WASL: variants seen among roughly 807,000 people sequenced by gnomAD.
The protein encoded by WASL is WASP like actin nucleation promoting factor, also known as actin nucleation-promoting factor WASL.
In WASL, 20 loss-of-function variants were observed where a neutral mutation model predicts 55.5. That is an observed-to-expected ratio of 0.36 (90% CI 0.25 to 0.52). The LOEUF is 0.52. Among genes scored for constraint, WASL ranks in the 20% least tolerant of loss-of-function variants. The pLI, the probability that WASL is intolerant of heterozygous loss-of-function variation, is 0.92. For synonymous variants in WASL, 249 were observed against 217.6 expected, an observed-to-expected ratio of 1.14 and a Z score of -1.27; for missense variants, 504 against 622.5, an observed-to-expected ratio of 0.81 and a Z score of 2.03.
chr7:123,683,008 T>G lies in WASL; in HGVS notation c.*1511A>C, dbSNP rs1803223092. The G allele has an allele frequency of 6.6e-6, 1 of 152,106 alleles. No individual in the cohort carries two copies. Among genetic ancestry groups the G allele is most frequent in the Non-Finnish European group, 1.5e-5 (1 of 67,992 alleles). 9.4% of individuals were successfully genotyped at this position (152,106 alleles called of 1,614,324 possible). ...AACTAGATGCATGATCACTAGAGAT[T>G]ATGTAATAAATGGTTAAAATTCAAG... On this transcript the variant is annotated 3_prime_UTR_variant, in exon 11 of 11. Coordinates refer to ENST00000223023, the MANE Select transcript of WASL (RefSeq NM_003941.4).
chr7:123,688,521 G>A (rs565286502), intron 10 of WASL, among the ~76,000 whole-genome samples: 14 of 151,996 alleles, frequency 9.2e-5, no homozygotes, highest in South Asian at 2.1e-4. Context: ...CCACCACGCC[G>A]GCTAACTTTT....
chr7:123,728,979 A>G (rs1430255151), intron 1 of WASL, among the ~76,000 whole-genome samples: 2 of 152,188 alleles, frequency 1.3e-5, no homozygotes, highest in Admixed American at 1.3e-4. Context: ...TAATTCATGT[A>G]AGACAAAACC....
At chr7:123,740,237 T>C (rs1405057452) in intron 1 of WASL, among the ~76,000 whole-genome samples, 1 of 151,950 alleles carries the variant, frequency 6.6e-6, no homozygotes, top group East Asian at 1.9e-4. Context: ...ATATCTTTCA[T>C]TTGATCACAT....
At chr7:123,720,578 T>C (rs1486108790) in intron 1 of WASL, among the ~76,000 whole-genome samples, 4 of 152,064 alleles carry the variant, frequency 2.6e-5, no homozygotes, top group Non-Finnish European at 4.4e-5. Context: ...AGGTATTTTG[T>C]TGGAGAAGAA....
intron 1 of WASL, among the ~76,000 whole-genome samples, chr7:123,727,391 A>G (rs1474073300): frequency 6.6e-6 from 1 of 151,866 alleles, no homozygotes; most frequent in Admixed American, 6.6e-5. Flanking sequence ...ACAAACTTAT[A>G]CAAGAACACA....
Position 123,692,400 on chromosome 7 carries a change from A to G in WASL, c.1294T>C (p.Ser432Pro). Residue 432 changes from serine (S) to proline (P), a missense_variant, in exon 9 of 11, where the codon TCT (serine) becomes CCT (proline). Physicochemically the swap from Ser to Pro is moderately conservative, Grantham distance 74. Around this residue, in one of 5 missense-constraint regions of WASL, gnomAD observed 201 missense variants for 206.2 expected, o/e 0.97. Transcript: ENST00000223023. ...VEQNSRPVSCSGRDALLDQIR... is the reference protein window; with the variant it reads ...VEQNSRPVSCPGRDALLDQIR... ...TGGTCTAACAGTGCATCTCGTCCAG[A>G]GCAGGACACTGGCCGACTGTTCTGC... is the stretch of plus-strand genomic sequence containing the variant. The G allele has an allele frequency of 6.2e-7, 1 of 1,613,484 alleles. No individual in the cohort carries two copies. The highest frequency in any genetic ancestry group is 8.5e-7 in the Non-Finnish European group (1 of 1,179,976).
At chr7:123,705,432 T>G (rs1803654028) in intron 4 of WASL, among the ~76,000 whole-genome samples, 1 of 152,202 alleles carries the variant, frequency 6.6e-6, no homozygotes, top group South Asian at 2.1e-4. Context: ...ATTCTGCCAC[T>G]TGAGTAGACA....
At position 123,712,451 on chromosome 7, in the gene WASL, T is replaced by C. The variant is rs189974926; in HGVS notation, c.118-3228A>G. Among the ~76,000 whole-genome samples the C allele has an allele frequency of 1.2e-3, 182 of 152,242 alleles. 1 individual carries two copies. The highest frequency in any genetic ancestry group is 2.2e-3 in the Non-Finnish European group (151 of 68,020). ...TTAGGATATATAGCCTGAAATATTATAAAGAGGCATTATGTCTGCAACTTA... is the reference window on the plus strand; with the variant it reads ...TTAGGATATATAGCCTGAAATATTACAAAGAGGCATTATGTCTGCAACTTA... On this transcript the variant is annotated intron_variant, in intron 1 of 10. Coordinates refer to ENST00000223023, the MANE Select transcript of WASL (RefSeq NM_003941.4).
chr7:123,689,212 G>T, intron 9 of WASL, 62 bp from the exon 10 acceptor site: 2 of 1,386,706 alleles, frequency 1.4e-6, no homozygotes, highest in Non-Finnish European at 1.0e-6. Flanking sequence ...TTTGTCTCCA[G>T]AAAGTCCTAC....
At chr7:123,746,464 A>G (rs1345884273) in intron 1 of WASL, among the ~76,000 whole-genome samples, 1 of 152,236 alleles carries the variant, frequency 6.6e-6, no homozygotes, top group Admixed American at 6.5e-5. Context: ...AATGTTTTAA[A>G]GGACAAAAAC....
intron 1 of WASL, among the ~76,000 whole-genome samples, chr7:123,727,353 TCACACACACACACA>T (rs150375537): frequency 6.1e-5 from 9 of 147,710 alleles, no homozygotes; most frequent in Non-Finnish European, 1.2e-4. Flanking sequence ...AAAATATGTG[TCACACACACACACA>T]CACACACACA....
chr7:123,691,593 C>T (rs1803409267), intron 9 of WASL, among the ~76,000 whole-genome samples: 1 of 152,064 alleles, frequency 6.6e-6, no homozygotes, highest in Admixed American at 6.6e-5. Flanking sequence ...GCTGAGTGGT[C>T]ACAAGAGGCC....
intron 1 of WASL, among the ~76,000 whole-genome samples, chr7:123,740,070 T>C (rs1229516905): frequency 1.3e-5 from 2 of 152,168 alleles, no homozygotes; most frequent in Non-Finnish European, 2.9e-5. Flanking sequence ...ATGTGCTTAG[T>C]AAGTCCTCAA....
intron 1 of WASL, among the ~76,000 whole-genome samples, chr7:123,729,723 T>C (rs1249444685): frequency 6.6e-6 from 1 of 152,210 alleles, no homozygotes; most frequent in Non-Finnish European, 1.5e-5. Context: ...TAACAGTGAA[T>C]TTCTGACAGT....
chr7:123,739,904 G>T (rs1283944905), intron 1 of WASL, among the ~76,000 whole-genome samples: 1 of 97,266 alleles, frequency 1.0e-5, no homozygotes, highest in Non-Finnish European at 2.2e-5. Context: ...GTGTGTGTGT[G>T]TGTGTGTGTG....
intron 1 of WASL, among the ~76,000 whole-genome samples, chr7:123,735,107 G>A (rs1804203942): frequency 2.2e-5 from 3 of 135,982 alleles, no homozygotes; most frequent in Non-Finnish European, 4.6e-5. Context: ...TGACTACAAT[G>A]AATACACAGT....
At chr7:123,712,064 T>G (rs1249998360) in intron 1 of WASL, among the ~76,000 whole-genome samples, 1 of 152,164 alleles carries the variant, frequency 6.6e-6, no homozygotes, top group Non-Finnish European at 1.5e-5. Context: ...GCCTGGGACT[T>G]CCACCTCTTT....
intron 4 of WASL, 36 bp downstream of exon 4, chr7:123,706,241 T>C (rs755962881): frequency 1.3e-6 from 2 of 1,589,946 alleles, no homozygotes; most frequent in South Asian, 2.2e-5. Context: ...GAGCATTAGT[T>C]TGCTGGCCTG....
chr7:123,738,915 T>C (rs1804283600), intron 1 of WASL, among the ~76,000 whole-genome samples: 1 of 151,734 alleles, frequency 6.6e-6, no homozygotes, highest in Non-Finnish European at 1.5e-5. Context: ...AAACCCAAAA[T>C]CTCAAACTGT....
Sources: allele counts gnomAD v4.1 joint callset (sites outside exome capture counted in the v4.1 genomes callset), GRCh38; gene constraint gnomAD v4.1.1; regional missense constraint gnomAD v4.1.1; transcripts MANE v1.5; gene names NCBI Gene and HGNC (gene_info 2026-07-23, HGNC 2026-07-21).